The following DPY19L1 variants were observed in gnomAD, a reference collection of about 807,000 sequenced individuals.
DPY19L1 encodes the protein protein C-mannosyl-transferase DPY19L1.
Under a neutral mutation model 96.9 loss-of-function variants are expected in DPY19L1, and 35 were observed. The ratio of observed to expected loss-of-function variants is 0.36; its 90% CI spans 0.28 to 0.48. DPY19L1 has a LOEUF of 0.48. DPY19L1 is among the 20% of genes least tolerant of loss of function. The pLI is 0.99. For missense variants in DPY19L1, 521 were observed against 777.9 expected, an observed-to-expected ratio of 0.67 and a Z score of 3.93; for synonymous variants, 205 against 252.6, an observed-to-expected ratio of 0.81 and a Z score of 1.79.
chr7:35,032,759 G>A, intron 1 of DPY19L1, among the ~76,000 whole-genome samples: 1 of 152,002 alleles, frequency 6.6e-6, no homozygotes, highest in East Asian at 1.9e-4. Context: ...GTGAATGCCA[G>A]CATTATTTAC....
chr7:34,932,439 T>C (rs962543392), intron 21 of DPY19L1, among the ~76,000 whole-genome samples: 9 of 152,242 alleles, frequency 5.9e-5, no homozygotes, highest in East Asian at 1.9e-4. Context: ...ATGTAATTTA[T>C]TGAATGCTGT....
At position 34,968,085 on chromosome 7, in the gene DPY19L1, G is replaced by A. The variant is rs537778841; in HGVS notation, c.1015-1114C>T. Among the ~76,000 whole-genome samples, 4 of 151,952 alleles carry A rather than the reference G, an allele frequency of 2.6e-5. No individual in the cohort carries two copies. In the East Asian group the frequency reaches 7.7e-4, roughly 29 times the overall value. ...TAAGCAACACACAGTACATTTACAG[G>A]GTAGAATTTTCAAGAGACAATCTCA... On this transcript the variant is annotated intron_variant, in intron 9 of 21. Transcript: ENST00000638088.
intron 18 of DPY19L1, among the ~76,000 whole-genome samples, chr7:34,941,145 C>T (rs189425062): frequency 3.1e-4 from 47 of 152,214 alleles, no homozygotes; most frequent in Admixed American, 2.6e-3. Context: ...CCCTAGAGTG[C>T]GCAGTGTAGG....
chr7:34,960,430 G>T (rs1353845085), intron 10 of DPY19L1, among the ~76,000 whole-genome samples: 1 of 151,918 alleles, frequency 6.6e-6, no homozygotes, highest in African/African-American at 2.4e-5. Flanking sequence ...GTTTTATCAA[G>T]AATCTTCATA....
chr7:35,037,672 G>A (rs1175532728), upstream of DPY19L1: 1 of 264,854 alleles, frequency 3.8e-6, no homozygotes, highest in Non-Finnish European at 5.9e-6. Flanking sequence ...ACGCCGGGGG[G>A]CGGGGGCGGG....
chr7:35,017,227 C>T (rs1785872132), intron 3 of DPY19L1, among the ~76,000 whole-genome samples: 1 of 151,896 alleles, frequency 6.6e-6, no homozygotes, highest in African/African-American at 2.4e-5. Context: ...GGCACGGTGG[C>T]TCACGCCTGT....
In DPY19L1 at chr7:34,966,912, C is replaced by T. The variant is rs768589496; in HGVS notation, c.1074G>A (p.Lys358=). The T allele has an allele frequency of 1.3e-6, 2 of 1,536,984 alleles. No individual in the cohort carries two copies. Among genetic ancestry groups the T allele is most frequent in the South Asian group, 1.3e-5 (1 of 79,874 alleles). ...TTATTACCATGTGTATATAAATGAT[C>T]TTCCGTAATTTACATATATCAATGT... ...VGYIDICKLR[K]IIYIHMISLA... Residue 358 remains lysine (K), a synonymous_variant, in exon 10 of 22, where the codon AAG becomes AAA. Transcript: ENST00000638088.
chr7:34,939,707 G>T (rs1003886657), intron 19 of DPY19L1, among the ~76,000 whole-genome samples: 1 of 152,152 alleles, frequency 6.6e-6, no homozygotes, highest in African/African-American at 2.4e-5. Flanking sequence ...CAGTAACAAG[G>T]AGTTCTGGAA....
intron 10 of DPY19L1, among the ~76,000 whole-genome samples, chr7:34,961,477 C>A (rs543239073): frequency 6.6e-6 from 1 of 152,154 alleles, no homozygotes; most frequent in Non-Finnish European, 1.5e-5. Context: ...AGACTTTACA[C>A]CCTTCATGAA....
At position 35,010,054 on chromosome 7, in the gene DPY19L1, C is replaced by T. The variant is rs529154675; in HGVS notation, c.764+414G>A. Among the ~76,000 whole-genome samples, 5 of 152,094 alleles carry T rather than the reference C, an allele frequency of 3.3e-5. No homozygotes were observed. The East Asian group carries it at 9.7e-4, about 29-fold the overall frequency. Reference sequence around the variant, plus strand: ...GACTAGTCTGGGCAACATAGCAAACCCTGTCTCTACAAAAAATACAAAAAA... The same window carrying T: ...GACTAGTCTGGGCAACATAGCAAACTCTGTCTCTACAAAAAATACAAAAAA... On this transcript the variant is annotated intron_variant, in intron 6 of 21. Coordinates refer to ENST00000638088, the MANE Select transcript of DPY19L1 (RefSeq NM_001366673.1).
intron 21 of DPY19L1, among the ~76,000 whole-genome samples, chr7:34,934,015 G>A (rs1355050424): frequency 1.3e-5 from 2 of 152,102 alleles, no homozygotes; most frequent in Admixed American, 6.5e-5. Flanking sequence ...CCAGGCTGGA[G>A]TGCAGTGGTG....
intron 7 of DPY19L1, 48 bp from the exon 8 acceptor site, chr7:34,973,653 AC>A: frequency 9.6e-7 from 1 of 1,046,130 alleles, no homozygotes; most frequent in Non-Finnish European, 1.3e-6. Flanking sequence ...ATTTACTAAG[AC>A]ATTCCAAGTA....
At chr7:34,934,542 T>G (rs753348139) in intron 21 of DPY19L1, among the ~76,000 whole-genome samples, 1 of 152,196 alleles carries the variant, frequency 6.6e-6, no homozygotes, top group Non-Finnish European at 1.5e-5. Flanking sequence ...AGCTCCCTTC[T>G]GCAAACTAAA....
intron 9 of DPY19L1, among the ~76,000 whole-genome samples, chr7:34,969,185 A>C (rs1027373648): frequency 1.3e-5 from 2 of 152,228 alleles, no homozygotes; most frequent in African/African-American, 4.8e-5. Flanking sequence ...ATTTGAGTTC[A>C]ATAAATGCAT....
rs776936761 is a variant in DPY19L1, at chr7:34,940,305, T to G, written c.1712A>C (p.Lys571Thr). The G allele has an allele frequency of 1.2e-6, 2 of 1,608,612 alleles. No individual in the cohort carries two copies. The highest frequency in any genetic ancestry group is 1.7e-6 in the Non-Finnish European group (2 of 1,178,986). Residue 571 changes from lysine to threonine, a missense_variant, in exon 19 of 22, where the codon AAA (lysine) becomes ACA (threonine). Lys to Thr is a moderately conservative substitution (Grantham distance 78). Coordinates refer to ENST00000638088, the MANE Select transcript of DPY19L1 (RefSeq NM_001366673.1). The stretch of plus-strand genomic sequence containing the variant: ...AAACACAATAGCACCAGGATGTACT[T>G]TGCAAAAGAGCCATCCAAATAGCTG... ...SRQLFGWLFCKVHPGAIVFAI... is the reference protein window; with the variant it reads ...SRQLFGWLFCTVHPGAIVFAI...
chr7:34,965,580 TA>T (rs1472651699), intron 10 of DPY19L1, among the ~76,000 whole-genome samples: 3 of 152,318 alleles, frequency 2.0e-5, no homozygotes, highest in Middle Eastern at 3.4e-3. Flanking sequence ...AATAAAGTTC[TA>T]TTATCCATTT....
At chr7:34,946,927 T>C (rs1368271655) in intron 15 of DPY19L1, among the ~76,000 whole-genome samples, 1 of 152,264 alleles carries the variant, frequency 6.6e-6, no homozygotes, top group Non-Finnish European at 1.5e-5. Context: ...ACAATTGTTA[T>C]AATACAGAAT....
chr7:34,986,016 G>A (rs1449011278), intron 7 of DPY19L1, among the ~76,000 whole-genome samples: 4 of 151,968 alleles, frequency 2.6e-5, no homozygotes, highest in Non-Finnish European at 2.9e-5. Flanking sequence ...ACTATGAATG[G>A]AACTGACAGA....
At chr7:34,975,422 G>T (rs1232758836) in intron 7 of DPY19L1, among the ~76,000 whole-genome samples, 1 of 152,228 alleles carries the variant, frequency 6.6e-6, no homozygotes, top group Non-Finnish European at 1.5e-5. Flanking sequence ...GCTGAGAGAG[G>T]TGAGGAAGCT....
Sources: allele counts gnomAD v4.1 joint callset (sites outside exome capture counted in the v4.1 genomes callset), GRCh38; gene constraint gnomAD v4.1.1; transcripts MANE v1.5; gene names NCBI Gene and HGNC (gene_info 2026-07-23, HGNC 2026-07-21).